OPN5: variants seen among roughly 807,000 people sequenced by gnomAD.
OPN5 encodes the protein opsin 5, also known as opsin-5.
In OPN5, 18 loss-of-function variants were observed where a neutral mutation model predicts 41.7. That is an observed-to-expected ratio of 0.43 (90% CI 0.30 to 0.64). OPN5 has a LOEUF of 0.64. Ranked by LOEUF, OPN5 falls within the 30% of genes least tolerant of loss-of-function variation. OPN5 has a pLI of 0.13. For missense variants in OPN5, 318 were observed against 434.5 expected (o/e 0.73, Z 2.38); for synonymous variants, 178 against 164.3 (o/e 1.08, Z -0.64).
chr6:47,788,456 G>T (rs1009518298), intron 2 of OPN5, among the ~76,000 whole-genome samples: 39 of 152,286 alleles, frequency 2.6e-4, no homozygotes, highest in Middle Eastern at 3.4e-3. Flanking sequence ...AAGCAAGTCG[G>T]CTCTAGAATG....
chr6:47,811,195 A>AT lies in OPN5; in HGVS notation c.999-477dup, dbSNP rs569001101. On this transcript the variant is annotated intron_variant, in intron 5 of 6. Transcript: ENST00000371211. Reference sequence around the variant, plus strand: ...AAGGCACTGGGGGTTCGAACATTTGATTGGGGGTATGCAGTGAAGGATGGA... The same window carrying AT: ...AAGGCACTGGGGGTTCGAACATTTGATTTGGGGGTATGCAGTGAAGGATGGA... Among the ~76,000 whole-genome samples the AT allele has an allele frequency of 8.5e-5, 13 of 152,242 alleles. No homozygotes were observed. In the East Asian group the frequency reaches 2.5e-3, roughly 29 times the overall value.
chr6:47,821,082 A>C (rs1298032537), intron 6 of OPN5, among the ~76,000 whole-genome samples: 1 of 152,172 alleles, frequency 6.6e-6, no homozygotes, highest in Non-Finnish European at 1.5e-5. Flanking sequence ...CTTCACGTTG[A>C]GTAGGATGAG....
At chr6:47,794,421 G>A (rs979104859) in intron 3 of OPN5, among the ~76,000 whole-genome samples, 2 of 152,188 alleles carry the variant, frequency 1.3e-5, no homozygotes, top group Admixed American at 6.5e-5. Flanking sequence ...AGGCCGACCT[G>A]TCTTTGGTGG....
chr6:47,804,473 C>T (rs1773889183), intron 4 of OPN5, among the ~76,000 whole-genome samples: 3 of 152,044 alleles, frequency 2.0e-5, no homozygotes, highest in Admixed American at 6.5e-5. Flanking sequence ...AAATATATTC[C>T]AAGCTGAGTA....
intron 3 of OPN5, 26 bp from the exon 4 acceptor site, chr6:47,795,203 G>T: frequency 7.2e-6 from 11 of 1,537,046 alleles, no homozygotes; most frequent in Non-Finnish European, 8.8e-6. Flanking sequence ...GATTACATCC[G>T]GGTAATGCTT....
intron 3 of OPN5, 130 bp downstream of exon 3, chr6:47,792,102 A>G: frequency 1.5e-6 from 1 of 649,566 alleles, no homozygotes; most frequent in Non-Finnish European, 2.6e-6. Flanking sequence ...ATTTCTATTT[A>G]TAGCCTATCA....
chr6:47,811,559 G>A (rs555199338), intron 5 of OPN5, 115 bp from the exon 6 acceptor site: 1 of 481,854 alleles, frequency 2.1e-6, no homozygotes, highest in Admixed American at 3.2e-5. Context: ...CAAGATTTGT[G>A]CACATAATCC....
chr6:47,801,387 CTG>C (rs1362567769), intron 4 of OPN5, among the ~76,000 whole-genome samples: 1 of 152,206 alleles, frequency 6.6e-6, no homozygotes, highest in Non-Finnish European at 1.5e-5. Flanking sequence ...TTTACATTGA[CTG>C]TGAAATCTTT....
At chr6:47,810,077 C>T (rs1774132161) in intron 5 of OPN5, among the ~76,000 whole-genome samples, 1 of 152,196 alleles carries the variant, frequency 6.6e-6, no homozygotes, top group Admixed American at 6.5e-5. Flanking sequence ...GGGCCACAGA[C>T]CTTTGGGAAA....
chr6:47,783,176 G>C (rs1193719297), intron 1 of OPN5, among the ~76,000 whole-genome samples: 4 of 151,984 alleles, frequency 2.6e-5, no homozygotes, highest in Non-Finnish European at 5.9e-5. Flanking sequence ...CACTAATCTA[G>C]ACAGTTAGGA....
intron 1 of OPN5, among the ~76,000 whole-genome samples, chr6:47,782,807 G>A (rs928818865): frequency 1.3e-5 from 2 of 152,106 alleles, no homozygotes; most frequent in Admixed American, 6.6e-5. Flanking sequence ...TTGACGAAAG[G>A]GTGCACCTGC....
At chr6:47,824,277 T>A in exon 7 of OPN5, 1 of 458,796 alleles carries the variant, frequency 2.2e-6, no homozygotes. Context: ...GTCTCGTCAG[T>A]AAGGACTTCA....
chr6:47,824,268 T>C (rs918325891), exon 7 of OPN5: 1 of 480,942 alleles, frequency 2.1e-6, no homozygotes, highest in Non-Finnish European at 3.7e-6. Context: ...CACACCTCGG[T>C]CTCGTCAGTA....
At chr6:47,795,775 C>G (rs1773541266) in intron 4 of OPN5, among the ~76,000 whole-genome samples, 1 of 99,456 alleles carries the variant, frequency 1.0e-5, no homozygotes, top group Non-Finnish European at 2.0e-5. Context: ...CTCTCTCTCT[C>G]TCTCACACAC....
At chr6:47,818,863 G>T (rs1298116665) in intron 6 of OPN5, among the ~76,000 whole-genome samples, 3 of 152,118 alleles carry the variant, frequency 2.0e-5, no homozygotes, top group Non-Finnish European at 4.4e-5. Flanking sequence ...GTGTATTGAG[G>T]CTGAGCAAAT....
At chr6:47,813,389 A>G (rs1488045659) in intron 6 of OPN5, among the ~76,000 whole-genome samples, 3 of 152,216 alleles carry the variant, frequency 2.0e-5, no homozygotes, top group African/African-American at 4.8e-5. Flanking sequence ...TAATATCCAC[A>G]TAAGTCACTT....
exon 5 of OPN5, chr6:47,808,237 A>G (rs750239784): frequency 6.2e-7 from 1 of 1,613,908 alleles, no homozygotes; most frequent in Non-Finnish European, 8.5e-7. Flanking sequence ...TTGGAAGGCC[A>G]GACTCCATTC....
Position 47,823,964 on chromosome 6 carries a change from A to C in OPN5, c.1057-19A>C. 2 of 1,548,542 alleles carry C rather than the reference A, an allele frequency of 1.3e-6. No individual in the cohort carries two copies. Among genetic ancestry groups the C allele is most frequent in the East Asian group, 4.9e-5 (2 of 40,904 alleles). ...GGCTGTGTGCCTCACCCTAAAACTC[A>C]ATTTTTTCTTCTCTACAGTGGGAAT... On this transcript the variant is annotated intron_variant, in intron 6 of 6. Transcript: ENST00000371211.
In OPN5 at chr6:47,809,531, T is replaced by C. The variant is rs548844985; in HGVS notation, c.998+1136T>C. Reference sequence around the variant, plus strand: ...ACACAATTTGAAGATAGAAGACCAGTATTTAATGTTCAGTTGTTTACAATA... The same window carrying C: ...ACACAATTTGAAGATAGAAGACCAGCATTTAATGTTCAGTTGTTTACAATA... On this transcript the variant is annotated intron_variant, in intron 5 of 6. Coordinates refer to ENST00000371211, the Ensembl canonical transcript of OPN5. Among the ~76,000 whole-genome samples, 32 of 152,340 alleles carry C rather than the reference T, an allele frequency of 2.1e-4. No homozygotes were observed. In the South Asian group the frequency reaches 6.6e-3, roughly 32 times the overall value.
Sources: gnomAD v4.1 joint callset for allele counts (sites outside exome capture counted in the v4.1 genomes callset) on GRCh38, gnomAD v4.1.1 for gene constraint, MANE v1.5 for transcripts, NCBI Gene and HGNC (gene_info 2026-07-23, HGNC 2026-07-21) for gene names.